FGFR1: variants seen among roughly 807,000 people sequenced by gnomAD.
FGFR1 encodes the protein fibroblast growth factor receptor 1.
In FGFR1, 18 loss-of-function variants were observed where a neutral mutation model predicts 93.7. That is an observed-to-expected ratio of 0.19 (90% confidence interval 0.13 to 0.28). The LOEUF (loss-of-function observed/expected upper bound fraction) is 0.28. Among genes scored for constraint, FGFR1 ranks in the 10% least tolerant of loss-of-function variants. FGFR1 has a pLI of 1.00. For missense variants in FGFR1, 731 were observed against 1,080.4 expected (o/e 0.68, Z 4.53); for synonymous variants, 448 against 429.3 (o/e 1.04, Z -0.54).
rs772265332 is a variant in FGFR1 at position 38,413,990 on chromosome 8, C to T, written c.2220G>A (p.Val740=). The change falls in exon 17 of 18, where the codon GTG becomes GTA. Residue 740 remains valine, a synonymous_variant. Coordinates refer to ENST00000447712, the MANE Select transcript of FGFR1 (RefSeq NM_023110.3). This position sits in a 1 kb window ranked among gnomAD's most constrained non-coding sequence, Gnocchi z 4.2. ...GCTTGAAGGTGGGTCTCTGTGAGGGCACTGCATGCCAGCAGTCCCGCATCA... is the reference window on the plus strand; with the variant it reads ...GCTTGAAGGTGGGTCTCTGTGAGGGTACTGCATGCCAGCAGTCCCGCATCA... ...YMMMRDCWHA[V]PSQRPTFKQL... is the part of the protein sequence containing the mutation. 10 of 1,614,084 alleles carry T rather than the reference C, an allele frequency of 6.2e-6. No homozygotes were observed. The highest frequency in any genetic ancestry group is 2.2e-5 in the East Asian group (1 of 44,872).
intron 2 of FGFR1, among the ~76,000 whole-genome samples, chr8:38,449,785 G>A (rs1321212663): frequency 2.0e-5 from 3 of 152,214 alleles, no homozygotes; most frequent in Admixed American, 1.3e-4. Context: ...CCAGCTACAC[G>A]GAGCCCTCAC....
chr8:38,418,388 G>A lies in FGFR1; in HGVS notation c.1285-15C>T, dbSNP rs760069564. Reference sequence around the variant, plus strand: ...TCAGCAGACACCTGCAAGGAAGAGTGGGGTCACCCTAGAGCAAGGAGGGGG... The same window carrying A: ...TCAGCAGACACCTGCAAGGAAGAGTAGGGTCACCCTAGAGCAAGGAGGGGG... On this transcript the variant is annotated splice_polypyrimidine_tract_variant and intron_variant, in intron 9 of 17. Transcript: ENST00000447712. 9.3e-6 allele frequency: 15 copies of A among 1,612,334 alleles called. No individual in the cohort carries two copies. The East Asian group carries it at 3.3e-4, about 36-fold the overall frequency.
intron 2 of FGFR1, among the ~76,000 whole-genome samples, chr8:38,440,711 G>C (rs1827132690): frequency 6.6e-6 from 1 of 152,134 alleles, no homozygotes; most frequent in Non-Finnish European, 1.5e-5. Flanking sequence ...GCAAACTGCT[G>C]TGTTTGCCAG....
chr8:38,463,613 A>AG (rs1396105102), intron 1 of FGFR1, among the ~76,000 whole-genome samples: 150 of 152,284 alleles, frequency 9.9e-4, no homozygotes, highest in African/African-American at 3.5e-3. Context: ...AAGTGAATGA[A>AG]GGAAAAAAAA....
In FGFR1 at chr8:38,457,499, T is replaced by C. The variant is rs1223958562; in HGVS notation, c.-53A>G. 6.2e-7 allele frequency: 1 copy of C among 1,611,340 alleles called. No homozygotes were observed. The highest frequency in any genetic ancestry group is 1.7e-5 in the Admixed American group (1 of 59,534). On this transcript the variant is annotated 5_prime_UTR_variant, in exon 2 of 18. Transcript: ENST00000447712. ...CAAGGCTCCACATCTCCATGGATAC[T>C]CCACAGTGAGCTCGATCCTCCTTTT...
At chr8:38,467,571 C>T (rs1835823706) in intron 1 of FGFR1, 2 of 235,424 alleles carry the variant, frequency 8.5e-6, no homozygotes, top group Admixed American at 5.6e-5. Context: ...ATAACACACA[C>T]AACGCATCCC....
intron 8 of FGFR1, chr8:38,421,506 G>A: frequency 2.0e-6 from 1 of 488,590 alleles, no homozygotes; most frequent in East Asian, 3.8e-5. Context: ...TGCCCTGGAG[G>A]AGTCGGGCTG....
In FGFR1 at chr8:38,438,813, C is replaced by A. The variant is rs142281114; in HGVS notation, c.92-8865G>T. Among the ~76,000 whole-genome samples the A allele has an allele frequency of 3.9e-4, 60 of 152,244 alleles. No individual in the cohort carries two copies. In the East Asian group the frequency reaches 0.011, roughly 28 times the overall value. On this transcript the variant is annotated intron_variant, in intron 2 of 17. Coordinates refer to ENST00000447712, the MANE Select transcript of FGFR1 (RefSeq NM_023110.3). ...AGCCCTTTGATTCTGTCTAATGGCA[C>A]CCCCTGCATCCTACCTCCTCCCGTG...
rs755702592 is a variant in FGFR1, at chr8:38,417,973, G to A, written c.1449C>T (p.Pro483=). The A allele has an allele frequency of 2.5e-6, 4 of 1,614,062 alleles. No individual in the cohort carries two copies. Among genetic ancestry groups the A allele is most frequent in the African/African-American group, 2.7e-5 (2 of 74,904 alleles). The change falls in exon 11 of 18, where the codon CCC becomes CCT. Residue 483 remains proline, a synonymous_variant. Coordinates refer to ENST00000447712, the MANE Select transcript of FGFR1 (RefSeq NM_023110.3). ...LPRDRLVLGK[P]LGEGCFGQVV... ...CCTGCCCAAAGCAGCCCTCTCCCAG[G>A]GGTTTGCCTAAGACCAGTCTTTCGG...
Position 38,418,260 on chromosome 8 carries a change from G to A in FGFR1, c.1398C>T (p.Pro466=), listed in dbSNP as rs150652786. 125 of 1,614,200 alleles carry A rather than the reference G, an allele frequency of 7.7e-5. No individual in the cohort carries two copies. The African/African-American group carries it at 1.3e-3, about 16-fold the overall frequency. ...GAGGCAGCTCCCAGCGAGGGTCTTC[G>A]GGAAGCTCATACTCAGAGACCCCTG... is the stretch of plus-strand genomic sequence containing the variant. ...MLAGVSEYEL[P]EDPRWELPRD... The change falls in exon 10 of 18, where the codon CCC becomes CCT. Residue 466 remains proline, a synonymous_variant. Coordinates refer to ENST00000447712, the MANE Select transcript of FGFR1 (RefSeq NM_023110.3).
chr8:38,413,868 G>A lies in FGFR1; in HGVS notation c.2292+50C>T, dbSNP rs1298214507. The A allele has an allele frequency of 6.2e-7, 1 of 1,613,086 alleles. No homozygotes were observed. The highest frequency in any genetic ancestry group is 1.1e-5 in the South Asian group (1 of 91,026). On this transcript the variant is annotated intron_variant, in intron 17 of 17. Coordinates refer to ENST00000447712, the MANE Select transcript of FGFR1 (RefSeq NM_023110.3). The surrounding 1 kb of genome is among the most constrained non-coding windows in gnomAD (Gnocchi z 4.2). ...CTCCTCCCTGCTCAGGGAGGTGCGT[G>A]CACGCAGTGGGGACGGCCTGAGCTC...
At chr8:38,443,645 C>A (rs1166814673) in intron 2 of FGFR1, among the ~76,000 whole-genome samples, 1 of 151,984 alleles carries the variant, frequency 6.6e-6, no homozygotes, top group African/African-American at 2.4e-5. Context: ...TGCACTCCAG[C>A]CTGGGTGACA....
At chr8:38,449,959 A>G (rs996964448) in intron 2 of FGFR1, among the ~76,000 whole-genome samples, 2 of 152,248 alleles carry the variant, frequency 1.3e-5, no homozygotes, top group African/African-American at 4.8e-5. Flanking sequence ...TGGCAATGCT[A>G]AGAGGCAACA....
At chr8:38,415,820 G>A (rs1225696462) in intron 13 of FGFR1, 50 bp downstream of exon 13, 1 of 1,560,654 alleles carries the variant, frequency 6.4e-7, no homozygotes. Context: ...AGACTAGGGG[G>A]GCTCTGTTCC....
In FGFR1 at chr8:38,446,205, CTTTTTT is replaced by C. The variant is rs773129271; in HGVS notation, c.91+11145_91+11150del. Among the ~76,000 whole-genome samples the C allele has an allele frequency of 3.9e-5, 5 of 127,796 alleles. No individual in the cohort carries two copies. The South Asian group carries it at 1.0e-3, about 26-fold the overall frequency. 83.8% of individuals were successfully genotyped at this position (127,796 alleles called of 152,430 possible). The stretch of plus-strand genomic sequence containing the variant: ...GCAAACTGACTCAGCCCTCTCCCAC[CTTTTTT>C]TTTTTTTTTTTTTTTTTAAAGAGGA... On this transcript the variant is annotated intron_variant, in intron 2 of 17. Coordinates refer to ENST00000447712, the MANE Select transcript of FGFR1 (RefSeq NM_023110.3).
rs2150919713 is a variant in FGFR1 at position 38,428,082 on chromosome 8, A to G, written c.460T>C (p.Tyr154His). ...TKPNRMPVAP[Y>H]WTSPEKMEKK... is the part of the protein sequence containing the mutation. Reference sequence around the variant, plus strand: ...TCCATCTTTTCTGGGGATGTCCAATATGGAGCTACGGCTGCCCGGGGAAAG... The same window carrying G: ...TCCATCTTTTCTGGGGATGTCCAATGTGGAGCTACGGCTGCCCGGGGAAAG... Residue 154 changes from tyrosine to histidine, a missense_variant, in exon 5 of 18, where the codon TAT becomes CAT. Tyr to His is a moderately conservative substitution (Grantham distance 83, BLOSUM62 2). Coordinates refer to ENST00000447712, the MANE Select transcript of FGFR1 (RefSeq NM_023110.3). 4 of 1,614,204 alleles carry G rather than the reference A, an allele frequency of 2.5e-6. No homozygotes were observed. Among genetic ancestry groups the G allele is most frequent in the Non-Finnish European group, 3.4e-6 (4 of 1,180,038 alleles).
At chr8:38,416,153 G>A (rs377351202) in intron 12 of FGFR1, 93 bp from the exon 13 acceptor site, 438 of 1,101,214 alleles carry the variant, frequency 4.0e-4, no homozygotes, top group Non-Finnish European at 3.5e-4. Flanking sequence ...AGCACACCCC[G>A]GCCAACCTCC....
At chr8:38,452,449 GCTCAAGCAACT>G (rs1192443396) in intron 2 of FGFR1, among the ~76,000 whole-genome samples, 2 of 151,996 alleles carry the variant, frequency 1.3e-5, no homozygotes, top group Non-Finnish European at 2.9e-5. Context: ...CAACTCCTGG[GCTCAAGCAACT>G]CTCAAGCAAT....
Position 38,468,488 on chromosome 8 carries a change from G to C in FGFR1, c.-596C>G, listed in dbSNP as rs1835995401. The C allele has an allele frequency of 4.4e-6, 1 of 228,520 alleles. No individual in the cohort carries two copies. The highest frequency in any genetic ancestry group is 1.8e-4 in the South Asian group (1 of 5,502). The allele number at this position is 228,520 out of a possible 1,614,324, so 14.2% of individuals were successfully genotyped here. A position where few individuals can be genotyped will look rare whatever the true frequency, so the allele number is the denominator to read the frequency against. ...GCCGCAATGCGCTACGAGGGGTCTC[G>C]GTCCCGTCCGGACGTGGCCGCCCAG... On this transcript the variant is annotated 5_prime_UTR_variant, in exon 1 of 18. Coordinates refer to ENST00000447712, the MANE Select transcript of FGFR1 (RefSeq NM_023110.3).
Sources: allele counts gnomAD v4.1 joint callset (sites outside exome capture counted in the v4.1 genomes callset), GRCh38; gene constraint gnomAD v4.1.1; non-coding constraint Gnocchi (gnomAD v3.1); transcripts MANE v1.5; gene names NCBI Gene and HGNC (gene_info 2026-07-23, HGNC 2026-07-21).